NRL: variants seen among roughly 807,000 people sequenced by gnomAD.
The protein encoded by NRL is neural retina-specific leucine zipper protein.
NRL carries 16 observed loss-of-function variants against 12.5 expected under a neutral mutation model. The observed-to-expected ratio is 1.28, with a 90% CI of 0.87 to 1.95. The LOEUF is 1.95. Ranked by LOEUF, NRL falls within the 30% of genes most tolerant of loss-of-function variation. The pLI is 0.00. For synonymous variants in NRL, 142 were observed against 150.9 expected, an observed-to-expected ratio of 0.94 and a Z score of 0.43; for missense variants, 314 against 325.8, an observed-to-expected ratio of 0.96 and a Z score of 0.28.
Position 24,090,620 on chromosome 14 carries a change from C to T in NRL, c.-27-7745G>A, listed in dbSNP as rs114937064. ...TCCTGAAGCGGGAATCTGGGCTACA[C>T]ACCACAGCATCACTACTCGGGCTGT... is the stretch of plus-strand genomic sequence containing the variant. On this transcript the variant is annotated intron_variant, in intron 1 of 2. Coordinates refer to ENST00000561028, the MANE Select transcript of NRL (RefSeq NM_001354768.3). 6.4e-3 allele frequency among the ~76,000 whole-genome samples: 980 copies of T among 152,322 alleles called. 5 individuals are homozygous for T. Among genetic ancestry groups the T allele is most frequent in the African/African-American group, 0.018 (728 of 41,558 alleles).
intron 1 of NRL, among the ~76,000 whole-genome samples, chr14:24,091,120 TGTGTGTG>T (rs3219681): frequency 5.2e-3 from 17 of 3,242 alleles, no homozygotes; most frequent in Admixed American, 0.025. Context: ...AGAAAAGGCC[TGTGTGTG>T]TGTGTGTGTG....
At chr14:24,083,738 G>C (rs1051656709) in intron 1 of NRL, among the ~76,000 whole-genome samples, 1 of 152,200 alleles carries the variant, frequency 6.6e-6, no homozygotes, top group Non-Finnish European at 1.5e-5. Context: ...GAAGAGGTCT[G>C]TGCTCAGATA....
rs200951743 is a variant in NRL, at chr14:24,082,536, C to T, written c.313G>A (p.Val105Ile). ...TAGCCATGGGGCCCATCAACAGGGA[C>T]TGGGCCCTGACCCTGCAGCAGCTCC... is the stretch of plus-strand genomic sequence containing the variant. ...AMELLQGQGP[V>I]PVDGPHGYYP... The change falls in exon 2 of 3, where the codon GTC (valine) becomes ATC (isoleucine). Residue 105 changes from valine (V) to isoleucine (I), a missense_variant. Physicochemically the swap from Val to Ile is conservative, Grantham distance 29. Transcript: ENST00000561028. The T allele has an allele frequency of 5.1e-5, 82 of 1,613,470 alleles. No individual in the cohort carries two copies. The African/African-American group carries it at 9.6e-4, about 19-fold the overall frequency.
intron 1 of NRL, among the ~76,000 whole-genome samples, chr14:24,105,852 C>T (rs1459538917): frequency 6.6e-6 from 1 of 152,146 alleles, no homozygotes; most frequent in East Asian, 1.9e-4. Context: ...TTGCAGTAAG[C>T]CTAGATCATG....
Position 24,094,562 on chromosome 14 carries a change from C to T in NRL, c.-27-11687G>A. Reference sequence around the variant, plus strand: ...CATCCTAGGCGGAGGCGGGCAGGGGCGACTGCTGTGGGTCCAGCCTCCCGC... The same window carrying T: ...CATCCTAGGCGGAGGCGGGCAGGGGTGACTGCTGTGGGTCCAGCCTCCCGC... On this transcript the variant is annotated intron_variant, in intron 1 of 2. Transcript: ENST00000561028. The surrounding 1 kb of genome is among the most constrained non-coding windows in gnomAD (Gnocchi z 4.1). 1.4e-6 allele frequency: 2 copies of T among 1,441,294 alleles called. No homozygotes were observed. The highest frequency in any genetic ancestry group is 1.8e-6 in the Non-Finnish European group (2 of 1,101,570). The allele number at this position is 1,441,294 out of a possible 1,614,324, so 89.3% of individuals were successfully genotyped here. A position where few individuals can be genotyped will look rare whatever the true frequency, so the allele number is the denominator to read the frequency against.
At chr14:24,093,484 C>T (rs1176485954) in intron 1 of NRL, 1 of 152,246 alleles carries the variant, frequency 6.6e-6, no homozygotes, top group Admixed American at 6.5e-5. Flanking sequence ...TGGAGACCAG[C>T]TTGGCCAGCA....
Position 24,100,674 on chromosome 14 carries a change from G to C in NRL, c.-28+14048C>G, listed in dbSNP as rs76815756. 7.0e-5 allele frequency: 43 copies of C among 615,174 alleles called. No individual in the cohort carries two copies. The East Asian group carries it at 5.3e-3, about 75-fold the overall frequency. 38.1% of individuals were successfully genotyped at this position (615,174 alleles called of 1,614,324 possible). A position where few individuals can be genotyped will look rare whatever the true frequency, so the allele number is the denominator to read the frequency against. ...TAAAGTTTGGCCCATTAGGAAAAGAGGAAAGCTGCCTCCTCTGCTCCAACT... is the reference window on the plus strand; with the variant it reads ...TAAAGTTTGGCCCATTAGGAAAAGACGAAAGCTGCCTCCTCTGCTCCAACT... On this transcript the variant is annotated intron_variant, in intron 1 of 2. Coordinates refer to ENST00000561028, the MANE Select transcript of NRL (RefSeq NM_001354768.3).
intron 1 of NRL, chr14:24,098,469 C>A: frequency 6.2e-7 from 1 of 1,613,952 alleles, no homozygotes; most frequent in Non-Finnish European, 8.5e-7. Context: ...ATGCCTTCCT[C>A]CACAGGCCGC....
At chr14:24,098,826 A>G (rs1228262151) in intron 1 of NRL, 2 of 760,050 alleles carry the variant, frequency 2.6e-6, no homozygotes, top group African/African-American at 1.7e-5. Flanking sequence ...CAGCAGAGGG[A>G]TAAGGCTGTG....
intron 1 of NRL, among the ~76,000 whole-genome samples, chr14:24,107,405 C>T (rs901506676): frequency 2.0e-5 from 3 of 152,056 alleles, no homozygotes; most frequent in Non-Finnish European, 4.4e-5. Context: ...AAAGTGAACA[C>T]CTTTGGAACA....
Position 24,081,361 on chromosome 14 carries a change from G to A in NRL, c.589C>T (p.Gln197Ter), listed in dbSNP as rs1182598654. 1.9e-5 allele frequency: 28 copies of A among 1,449,510 alleles called. No individual in the cohort carries two copies. Among genetic ancestry groups the A allele is most frequent in the Non-Finnish European group, 2.5e-5 (27 of 1,101,528 alleles). 89.8% of individuals were successfully genotyped at this position (1,449,510 alleles called of 1,614,324 possible). The change falls in exon 3 of 3, where the codon CAG (glutamine) becomes TAG (stop). Residue 197 changes from glutamine (Q) to a stop codon, truncating the protein, a stop_gained. Transcript: ENST00000561028. LOFTEE classifies it high-confidence loss of function. The surrounding 1 kb of genome is among the most constrained non-coding windows in gnomAD (Gnocchi z 4.4). The part of the protein sequence containing the change: ...LEAERARLAA[Q>*]LDALRAEVAR... The stretch of plus-strand genomic sequence containing the variant: ...ACCTCGGCCCGCAGCGCGTCCAGCT[G>A]GGCGGCCAGGCGGGCGCGCTCGGCC...
chr14:24,113,177 A>T (rs1015427853), intron 1 of NRL, among the ~76,000 whole-genome samples: 1 of 102,316 alleles, frequency 9.8e-6, no homozygotes. Flanking sequence ...GGAATTGAAC[A>T]ATGAGATCAC....
chr14:24,093,942 G>T (rs1004307960), intron 1 of NRL: 15 of 478,078 alleles, frequency 3.1e-5, no homozygotes, highest in Non-Finnish European at 4.0e-5. Flanking sequence ...ACTTCTAGAC[G>T]TCTGGCCCCT....
Position 24,081,712 on chromosome 14 carries a change from T to G in NRL, c.382-144A>C. ...GGAAGGCTCGCCCTTCCACGCAGTC[T>G]GTTTCGGTCCAGAGCCCGCCCCAGG... On this transcript the variant is annotated intron_variant, in intron 2 of 2. Coordinates refer to ENST00000561028, the MANE Select transcript of NRL (RefSeq NM_001354768.3). The surrounding 1 kb of genome is among the most constrained non-coding windows in gnomAD (Gnocchi z 4.4). 26 of 1,525,752 alleles carry G rather than the reference T, an allele frequency of 1.7e-5. No homozygotes were observed. Among genetic ancestry groups the G allele is most frequent in the Non-Finnish European group, 2.3e-5 (26 of 1,141,296 alleles). The allele number at this position is 1,525,752 out of a possible 1,614,324, so 94.5% of individuals were successfully genotyped here. A position where few individuals can be genotyped will look rare whatever the true frequency, so the allele number is the denominator to read the frequency against.
chr14:24,081,233 G>C lies in NRL; in HGVS notation c.*3C>G, dbSNP rs764462511. On this transcript the variant is annotated 3_prime_UTR_variant, in exon 3 of 3. Transcript: ENST00000561028. This position sits in a 1 kb window ranked among gnomAD's most constrained non-coding sequence, Gnocchi z 4.4. ...CACTACACCACAAGGTGCTCTGAACGGCTCAGAGGAAGAGGTGGGAGGGGT... is the reference window on the plus strand; with the variant it reads ...CACTACACCACAAGGTGCTCTGAACCGCTCAGAGGAAGAGGTGGGAGGGGT... The C allele has an allele frequency of 6.8e-6, 10 of 1,478,596 alleles. 1 individual carries two copies. Among genetic ancestry groups the C allele is most frequent in the South Asian group, 5.4e-5 (4 of 73,966 alleles). The allele number at this position is 1,478,596 out of a possible 1,614,324, so 91.6% of individuals were successfully genotyped here.
At chr14:24,088,825 T>TTTCC (rs1491303159) in intron 1 of NRL, among the ~76,000 whole-genome samples, 1 of 137,846 alleles carries the variant, frequency 7.3e-6, no homozygotes, top group African/African-American at 2.8e-5. Context: ...TTTTTTTTTT[T>TTTCC]CACAGAGTCT....
intron 1 of NRL, among the ~76,000 whole-genome samples, chr14:24,091,047 A>G (rs527251317): frequency 2.0e-5 from 3 of 152,366 alleles, no homozygotes; most frequent in African/African-American, 7.2e-5. Flanking sequence ...GTACAAAAAT[A>G]TAGGCATATA....
intron 1 of NRL, chr14:24,093,394 C>G (rs1410874404): frequency 1.3e-5 from 2 of 152,222 alleles, no homozygotes; most frequent in Non-Finnish European, 2.9e-5. Context: ...GAAAGAATGA[C>G]CAGGCCGGGC....
rs1422062514 is a variant in NRL, at chr14:24,090,273, G to T, written c.-27-7398C>A. 2.0e-3 allele frequency among the ~76,000 whole-genome samples: 257 copies of T among 130,932 alleles called. 4 individuals carry two copies. Among genetic ancestry groups the T allele is most frequent in the African/African-American group, 7.2e-3 (247 of 34,240 alleles). The allele number at this position is 130,932 out of a possible 152,430, so 85.9% of individuals were successfully genotyped here. A position where few individuals can be genotyped will look rare whatever the true frequency, so the allele number is the denominator to read the frequency against. ...TGTGCAGGTGGTTTACTCGGGGGGG[G>T]GGGGGGGGCACGGGGGGGGACTTTC... On this transcript the variant is annotated intron_variant, in intron 1 of 2. Transcript: ENST00000561028.
Sources: gnomAD v4.1 joint callset for allele counts (sites outside exome capture counted in the v4.1 genomes callset) on GRCh38, gnomAD v4.1.1 for gene constraint, Gnocchi (gnomAD v3.1) non-coding constraint, MANE v1.5 for transcripts, NCBI Gene and HGNC (gene_info 2026-07-23, HGNC 2026-07-21) for gene names.